Variants in IFT56 observed in about 807,000 individuals in gnomAD.
IFT56 encodes the protein intraflagellar transport 56, also known as intraflagellar transport protein 56.
the IFT56 span, chr7:139,166,968 G>T: frequency 0.011 from 11,044 of 1,007,506 alleles, 80 homozygotes; most frequent in Non-Finnish European, 0.013. Flanking sequence ...TTAGTTGGAA[G>T]TCATATTAGA....
the IFT56 span, among the ~76,000 whole-genome samples, chr7:139,141,977 A>C: frequency 6.6e-6 from 1 of 152,190 alleles, no homozygotes; most frequent in Non-Finnish European, 1.5e-5. Flanking sequence ...TGCTACTACA[A>C]CCATGTGTGT....
chr7:139,173,885 T>C, the IFT56 span: 1 of 701,244 alleles, frequency 1.4e-6, no homozygotes, highest in African/African-American at 1.8e-5. Context: ...TTTCTCTTTT[T>C]GTTTGAAGCT....
At chr7:139,188,500 G>A in the IFT56 span, among the ~76,000 whole-genome samples, 3 of 152,202 alleles carry the variant, frequency 2.0e-5, no homozygotes, top group Non-Finnish European at 4.4e-5. Context: ...AATAGGAAAT[G>A]TGTTAATTTT....
At chr7:139,182,848 A>G in the IFT56 span, among the ~76,000 whole-genome samples, 1 of 152,184 alleles carries the variant, frequency 6.6e-6, no homozygotes, top group Admixed American at 6.5e-5. Flanking sequence ...TTAATCAAAA[A>G]CCAAGGCAGG....
the IFT56 span, among the ~76,000 whole-genome samples, chr7:139,183,459 G>A: frequency 3.3e-5 from 5 of 152,110 alleles, no homozygotes; most frequent in Non-Finnish European, 7.4e-5. Flanking sequence ...TCTTTATCAA[G>A]CATATGTGTG....
At chr7:139,137,953 A>C in the IFT56 span, 1 of 1,582,730 alleles carries the variant, frequency 6.3e-7, no homozygotes, top group Admixed American at 1.7e-5. Context: ...AGTGTAAAAA[A>C]AGTTTTTTTC....
chr7:139,162,454 C>G, the IFT56 span, among the ~76,000 whole-genome samples: 19 of 152,058 alleles, frequency 1.2e-4, no homozygotes, highest in East Asian at 3.7e-3. Flanking sequence ...TTTCATAATA[C>G]TTTATTTTTT....
the IFT56 span, chr7:139,173,003 C>T: frequency 1.4e-6 from 1 of 726,704 alleles, no homozygotes; most frequent in African/African-American, 1.7e-5. Flanking sequence ...GAAAGTCTGT[C>T]ACAGTTGGTG....
At chr7:139,168,565 G>C in the IFT56 span, 1 of 481,840 alleles carries the variant, frequency 2.1e-6, no homozygotes, top group Non-Finnish European at 3.7e-6. Context: ...ATGTTATTTA[G>C]AGACAAAAAA....
the IFT56 span, among the ~76,000 whole-genome samples, chr7:139,158,721 C>T: frequency 6.6e-6 from 1 of 151,938 alleles, no homozygotes; most frequent in East Asian, 1.9e-4. Context: ...TGAGACCAGC[C>T]CGGACAACAC....
chr7:139,163,899 C>T, the IFT56 span, among the ~76,000 whole-genome samples: 2 of 152,170 alleles, frequency 1.3e-5, no homozygotes, highest in Non-Finnish European at 2.9e-5. Flanking sequence ...TTTTGTAGTT[C>T]ATGCTGGATG....
the IFT56 span, among the ~76,000 whole-genome samples, chr7:139,184,845 G>C: frequency 6.6e-6 from 1 of 150,450 alleles, no homozygotes; most frequent in Non-Finnish European, 1.5e-5. Flanking sequence ...ACAAGGTCAG[G>C]AGATCGAGAC....
chr7:139,181,330 A>T, the IFT56 span: 1 of 590,736 alleles, frequency 1.7e-6, no homozygotes. Context: ...GTTATAAGAG[A>T]TGCCATTCTT....
chr7:139,133,947 C>G, the IFT56 span: 1 of 1,524,660 alleles, frequency 6.6e-7, no homozygotes. Context: ...TGTGTGAAGT[C>G]TAGGTGTGTC....
the IFT56 span, among the ~76,000 whole-genome samples, chr7:139,158,511 A>G: frequency 1.3e-5 from 2 of 152,194 alleles, no homozygotes; most frequent in Admixed American, 1.3e-4. Context: ...AAGAGGTTTT[A>G]TAAGGATCAG....
chr7:139,142,439 A>T, the IFT56 span: 1 of 766,242 alleles, frequency 1.3e-6, no homozygotes, highest in Non-Finnish European at 2.1e-6. Flanking sequence ...GTGGAATATA[A>T]CTGTTAATTG....
the IFT56 span, among the ~76,000 whole-genome samples, chr7:139,160,479 G>A: frequency 6.6e-6 from 1 of 150,462 alleles, no homozygotes; most frequent in Non-Finnish European, 1.5e-5. Context: ...CGCCAGGCTG[G>A]AATGCAGTGG....
At chr7:139,188,399 C>G in the IFT56 span, among the ~76,000 whole-genome samples, 2 of 152,134 alleles carry the variant, frequency 1.3e-5, no homozygotes, top group Non-Finnish European at 2.9e-5. Flanking sequence ...CCATGCCCAG[C>G]CTATAGTTTC....
At chr7:139,179,532 A>C in the IFT56 span, 1 of 1,564,936 alleles carries the variant, frequency 6.4e-7, no homozygotes, top group African/African-American at 1.4e-5. Flanking sequence ...TTTATTGCAA[A>C]AGCATCCTCA....
Sources: gnomAD v4.1 joint callset for allele counts (sites outside exome capture counted in the v4.1 genomes callset) on GRCh38, gnomAD v4.1.1 for gene constraint, MANE v1.5 for transcripts, NCBI Gene and HGNC (gene_info 2026-07-23, HGNC 2026-07-21) for gene names.